PHF21A: variants seen among roughly 807,000 people sequenced by gnomAD.
PHF21A encodes BHC80a.
A neutral mutation model predicts 82.5 loss-of-function variants in PHF21A; 11 were observed. The observed-to-expected ratio is 0.13, with a 90% CI of 0.08 to 0.22. The LOEUF (loss-of-function observed/expected upper bound fraction) is 0.22, where lower values mean the gene tolerates loss of function less well. PHF21A is among the 10% of genes least tolerant of loss of function. The pLI, the probability that PHF21A is intolerant of heterozygous loss-of-function variation, is 1.00. For synonymous variants in PHF21A, 297 were observed against 302.8 expected (o/e 0.98, Z 0.20); for missense variants, 579 against 837.8 (o/e 0.69, Z 3.81).
chr11:46,035,317 A>G (rs1263292128), intron 6 of PHF21A, among the ~76,000 whole-genome samples: 1 of 152,152 alleles, frequency 6.6e-6, no homozygotes, highest in Non-Finnish European at 1.5e-5. Flanking sequence ...TTAAATTCCA[A>G]TTCATATGAA....
chr11:46,085,294 A>T (rs2096843342), intron 3 of PHF21A, among the ~76,000 whole-genome samples: 1 of 152,178 alleles, frequency 6.6e-6, no homozygotes, highest in South Asian at 2.1e-4. Context: ...AATGAAAATC[A>T]TCTTCTTTCA....
chr11:46,042,839 T>C (rs2096179411), intron 6 of PHF21A, among the ~76,000 whole-genome samples: 2 of 152,006 alleles, frequency 1.3e-5, no homozygotes, highest in Admixed American at 1.3e-4. Flanking sequence ...AAGCAGACAG[T>C]AGGTCCTCAC....
intron 10 of PHF21A, among the ~76,000 whole-genome samples, chr11:45,959,950 C>T (rs1442443764): frequency 2.0e-5 from 3 of 152,160 alleles, no homozygotes; most frequent in Non-Finnish European, 4.4e-5. Context: ...TGCTCAGCAT[C>T]ATTAGTCATT....
chr11:46,034,806 T>C (rs2095956701), intron 6 of PHF21A, among the ~76,000 whole-genome samples: 1 of 152,288 alleles, frequency 6.6e-6, no homozygotes, highest in Non-Finnish European at 1.5e-5. Flanking sequence ...TCCCAGGATA[T>C]AGTGATTGGT....
chr11:45,991,007 G>A (rs2094681204), intron 6 of PHF21A, among the ~76,000 whole-genome samples: 1 of 152,110 alleles, frequency 6.6e-6, no homozygotes, highest in Admixed American at 6.6e-5. Context: ...TAGTTTCACT[G>A]TCCTGAAATT....
chr11:45,992,529 A>G (rs1367490678), intron 6 of PHF21A, among the ~76,000 whole-genome samples: 1 of 152,236 alleles, frequency 6.6e-6, no homozygotes, highest in Non-Finnish European at 1.5e-5. Flanking sequence ...GCTGGGTGAC[A>G]GAGCGAGACT....
chr11:45,953,828 C>T (rs1472896559), intron 10 of PHF21A, among the ~76,000 whole-genome samples: 1 of 152,078 alleles, frequency 6.6e-6, no homozygotes, highest in East Asian at 1.9e-4. Flanking sequence ...TATTAAATTG[C>T]ATGGCTAGAG....
intron 1 of PHF21A, among the ~76,000 whole-genome samples, chr11:46,096,946 C>T (rs774968066): frequency 2.6e-4 from 39 of 152,142 alleles, no homozygotes; most frequent in Non-Finnish European, 5.0e-4. Flanking sequence ...TAAATGGTAA[C>T]TCCACCCCCT....
intron 6 of PHF21A, among the ~76,000 whole-genome samples, chr11:46,033,398 G>T (rs2095909015): frequency 6.6e-6 from 1 of 152,088 alleles, no homozygotes; most frequent in African/African-American, 2.4e-5. Flanking sequence ...CCAAACAGCT[G>T]GGACCACAGG....
intron 1 of PHF21A, among the ~76,000 whole-genome samples, chr11:46,114,675 TA>T (rs1197089753): frequency 3.3e-5 from 5 of 151,862 alleles, no homozygotes; most frequent in African/African-American, 4.8e-5. Context: ...ATTTAAAATT[TA>T]AAAAAAACAC....
At chr11:46,120,211 C>G (rs1205324619) in intron 1 of PHF21A, among the ~76,000 whole-genome samples, 3 of 150,172 alleles carry the variant, frequency 2.0e-5, no homozygotes, top group Non-Finnish European at 4.4e-5. Context: ...AACCAGATCC[C>G]TCAGTCAACA....
intron 1 of PHF21A, among the ~76,000 whole-genome samples, chr11:46,115,249 A>T (rs1385575807): frequency 6.6e-6 from 1 of 152,182 alleles, no homozygotes; most frequent in Non-Finnish European, 1.5e-5. Context: ...GGATGGCTGA[A>T]CCTCACATAT....
chr11:46,004,980 T>C (rs188331916), intron 6 of PHF21A, among the ~76,000 whole-genome samples: 6 of 152,322 alleles, frequency 3.9e-5, no homozygotes, highest in Non-Finnish European at 7.4e-5. Context: ...ATTTGTCTCT[T>C]ACTGCAAATG....
intron 6 of PHF21A, among the ~76,000 whole-genome samples, chr11:45,987,101 C>T (rs1391685476): frequency 2.0e-5 from 3 of 152,034 alleles, no homozygotes; most frequent in Non-Finnish European, 4.4e-5. Flanking sequence ...GTAACCTGGG[C>T]CAAGCACAGT....
intron 6 of PHF21A, among the ~76,000 whole-genome samples, chr11:46,054,419 A>G (rs1341830590): frequency 6.6e-6 from 1 of 152,196 alleles, no homozygotes; most frequent in South Asian, 2.1e-4. Flanking sequence ...AGTTTGGGCA[A>G]TATCAAACAA....
At chr11:46,003,572 C>A (rs182499847) in intron 6 of PHF21A, among the ~76,000 whole-genome samples, 19 of 151,954 alleles carry the variant, frequency 1.3e-4, no homozygotes, top group Non-Finnish European at 2.6e-4. Context: ...GACATTTTCA[C>A]GAAGGGCAGA....
In PHF21A at chr11:45,971,098, G is replaced by GAGC. The variant is rs759093524; in HGVS notation, c.612+15_612+17dup. 6.2e-7 allele frequency: 1 copy of GAGC among 1,613,554 alleles called. No individual in the cohort carries two copies. Among genetic ancestry groups the GAGC allele is most frequent in the Non-Finnish European group, 8.5e-7 (1 of 1,179,762 alleles). On this transcript the variant is annotated intron_variant, in intron 8 of 18. Transcript: ENST00000676320. ...ACCTTCTCATGTGATCACACATGAG[G>GAGC]AGCAGCTGCTGGCTTACCAGAGTGA...
chr11:46,086,811 C>T (rs929733690), intron 3 of PHF21A, among the ~76,000 whole-genome samples: 5 of 152,074 alleles, frequency 3.3e-5, no homozygotes, highest in African/African-American at 9.7e-5. Context: ...TGGAAATGAA[C>T]GGCAGGTTAA....
At chr11:45,967,250 C>A (rs1434262566) in intron 9 of PHF21A, among the ~76,000 whole-genome samples, 5 of 152,006 alleles carry the variant, frequency 3.3e-5, no homozygotes, top group Non-Finnish European at 7.4e-5. Context: ...CACTTGTAAT[C>A]CCAGCTACTT....
Sources: allele counts gnomAD v4.1 joint callset (sites outside exome capture counted in the v4.1 genomes callset), GRCh38; gene constraint gnomAD v4.1.1; transcripts MANE v1.5; gene names NCBI Gene and HGNC (gene_info 2026-07-23, HGNC 2026-07-21).